EDN1: variants seen among roughly 807,000 people sequenced by gnomAD.
EDN1 encodes endothelin-1.
EDN1 carries 11 observed loss-of-function variants against 21.7 expected under a neutral mutation model. That is an observed-to-expected ratio of 0.51 (90% CI 0.32 to 0.84). The LOEUF is 0.84. Among genes scored for constraint, EDN1 ranks in the 40% least tolerant of loss-of-function variants. EDN1 has a pLI of 0.03. For synonymous variants in EDN1, 85 were observed against 90.6 expected, an observed-to-expected ratio of 0.94 and a Z score of 0.35; for missense variants, 244 against 262.3, an observed-to-expected ratio of 0.93 and a Z score of 0.48.
At chr6:12,231,701 T>A in the EDN1 span, among the ~76,000 whole-genome samples, 2 of 152,130 alleles carry the variant, frequency 1.3e-5, no homozygotes, top group East Asian at 3.8e-4. Context: ...AAAGACACTA[T>A]AACCCTGACA....
Position 12,294,348 on chromosome 6 carries a change from G to A in EDN1, c.477G>A (p.Gln159=), listed in dbSNP as rs376346685. The A allele has an allele frequency of 5.0e-6, 8 of 1,614,182 alleles. No individual in the cohort carries two copies. The highest frequency in any genetic ancestry group is 5.9e-6 in the Non-Finnish European group (7 of 1,180,028). Residue 159 remains glutamine, a synonymous_variant, in exon 4 of 5, where the codon CAG becomes CAA. Transcript: ENST00000379375. ...SKLGKKCIYQ[Q]LVRGRKIRRS... is the part of the protein sequence containing the mutation. ...TTGGGAAAAAGTGTATTTATCAGCA[G>A]TTAGTGAGAGGAAGAAAAATCAGAA...
At chr6:12,248,991 G>A in the EDN1 span, among the ~76,000 whole-genome samples, 61 of 152,230 alleles carry the variant, frequency 4.0e-4, no homozygotes, top group African/African-American at 1.4e-3. Flanking sequence ...TTGGAGCCAT[G>A]ATCTTCTAAT....
At chr6:12,243,307 GGAGGAGGAGGAGGAGGA>G in the EDN1 span, among the ~76,000 whole-genome samples, 1 of 143,328 alleles carries the variant, frequency 7.0e-6, no homozygotes, top group Non-Finnish European at 1.5e-5. Context: ...GAGGAGGAGA[GGAGGAGGAGGAGGAGGA>G]GAGGAGGAGG....
chr6:12,272,624 A>ATTT, the EDN1 span, among the ~76,000 whole-genome samples: 2 of 143,836 alleles, frequency 1.4e-5, no homozygotes, highest in African/African-American at 2.6e-5. Context: ...TGCCCAGCTA[A>ATTT]TTTTTTTTTT....
chr6:12,272,124 G>A, the EDN1 span, among the ~76,000 whole-genome samples: 15 of 152,188 alleles, frequency 9.9e-5, no homozygotes, highest in African/African-American at 3.6e-4. Context: ...TTGAGATGGT[G>A]TAAGGCTACC....
chr6:12,290,800 C>T (rs1020854122), intron 1 of EDN1, 107 bp downstream of exon 1: 1 of 963,326 alleles, frequency 1.0e-6, no homozygotes, highest in South Asian at 1.3e-5. Context: ...TTTATGACTG[C>T]AGCTTAGAGA....
chr6:12,249,354 A>T, the EDN1 span, among the ~76,000 whole-genome samples: 7 of 152,142 alleles, frequency 4.6e-5, no homozygotes, highest in Non-Finnish European at 4.4e-5. Flanking sequence ...TGCTTTGAAG[A>T]ACTACATTAT....
chr6:12,230,835 T>G, the EDN1 span, among the ~76,000 whole-genome samples: 3 of 152,160 alleles, frequency 2.0e-5, no homozygotes, highest in Non-Finnish European at 4.4e-5. Context: ...ATTGACTGTA[T>G]TTGTTCTTCT....
chr6:12,272,468 T>A, the EDN1 span, among the ~76,000 whole-genome samples: 2 of 148,834 alleles, frequency 1.3e-5, no homozygotes, highest in Admixed American at 1.3e-4. Context: ...TTTTTTTTTT[T>A]TTTTTTGAGA....
chr6:12,234,934 A>G, the EDN1 span, among the ~76,000 whole-genome samples: 3 of 152,228 alleles, frequency 2.0e-5, no homozygotes, highest in East Asian at 5.8e-4. Flanking sequence ...TTTGACAAAC[A>G]TTCACTTGGA....
Position 12,290,420 on chromosome 6 carries a change from C to A in EDN1, c.-210C>A. The A allele has an allele frequency of 1.7e-6, 1 of 592,436 alleles. No homozygotes were observed. Among genetic ancestry groups the A allele is most frequent in the Non-Finnish European group, 3.0e-6 (1 of 333,730 alleles). The allele number at this position is 592,436 out of a possible 1,614,324, so 36.7% of individuals were successfully genotyped here. A position where few individuals can be genotyped will look rare whatever the true frequency, so the allele number is the denominator to read the frequency against. On this transcript the variant is annotated 5_prime_UTR_variant, in exon 1 of 5. Coordinates refer to ENST00000379375, the MANE Select transcript of EDN1 (RefSeq NM_001955.5). The stretch of plus-strand genomic sequence containing the variant: ...TCCTGCGCCTCCTGCAGTCCCAGCT[C>A]TCCACCGCCGCGTGCGCCTGCAGAC...
chr6:12,231,626 TCTGCAGAGTTG>T, the EDN1 span, among the ~76,000 whole-genome samples: 1 of 152,216 alleles, frequency 6.6e-6, no homozygotes, highest in South Asian at 2.1e-4. Flanking sequence ...CACATGGTTG[TCTGCAGAGTTG>T]TAGGTTAAAG....
chr6:12,286,471 A>G (rs181205987), upstream of EDN1, among the ~76,000 whole-genome samples: 149 of 152,344 alleles, frequency 9.8e-4, no homozygotes, highest in Admixed American at 1.6e-3. Flanking sequence ...TTACCAACCC[A>G]AGACTAAATC....
At chr6:12,231,107 A>G in the EDN1 span, among the ~76,000 whole-genome samples, 1 of 152,196 alleles carries the variant, frequency 6.6e-6, no homozygotes, top group African/African-American at 2.4e-5. Flanking sequence ...TAGATTTATA[A>G]CCAAACAATA....
the EDN1 span, among the ~76,000 whole-genome samples, chr6:12,265,859 G>A: frequency 1.3e-5 from 2 of 152,136 alleles, no homozygotes; most frequent in Admixed American, 1.3e-4. Context: ...TACATGAATG[G>A]GGAACAGAAA....
the EDN1 span, among the ~76,000 whole-genome samples, chr6:12,241,915 T>G: frequency 2.0e-5 from 3 of 152,076 alleles, no homozygotes; most frequent in Non-Finnish European, 4.4e-5. Flanking sequence ...TTTGAAAGAG[T>G]CAAGCCCATG....
chr6:12,255,049 CT>C, the EDN1 span, among the ~76,000 whole-genome samples: 1 of 152,140 alleles, frequency 6.6e-6, no homozygotes, highest in Non-Finnish European at 1.5e-5. Flanking sequence ...CAGGTAATTT[CT>C]TTCAGATAAA....
the EDN1 span, among the ~76,000 whole-genome samples, chr6:12,247,231 C>T: frequency 6.6e-6 from 1 of 152,112 alleles, no homozygotes; most frequent in Non-Finnish European, 1.5e-5. Flanking sequence ...GATTCCAATT[C>T]CTGTGTGGAT....
At chr6:12,251,358 A>G in the EDN1 span, among the ~76,000 whole-genome samples, 1 of 152,252 alleles carries the variant, frequency 6.6e-6, no homozygotes, top group Admixed American at 6.5e-5. Flanking sequence ...GCCAGTTGGC[A>G]CACTATTTAA....
Sources: gnomAD v4.1 joint callset for allele counts (sites outside exome capture counted in the v4.1 genomes callset) on GRCh38, gnomAD v4.1.1 for gene constraint, MANE v1.5 for transcripts, NCBI Gene and HGNC (gene_info 2026-07-23, HGNC 2026-07-21) for gene names.